AKAP9: variants seen among roughly 807,000 people sequenced by gnomAD.
AKAP9 encodes the protein A-kinase anchoring protein 9, also known as A-kinase anchor protein 9.
Under a neutral mutation model 488.5 loss-of-function variants are expected in AKAP9, and 311 were observed. That is an observed-to-expected ratio of 0.64 (90% confidence interval 0.58 to 0.70). The LOEUF (loss-of-function observed/expected upper bound fraction) is 0.70. Among genes scored for constraint, AKAP9 ranks in the 30% least tolerant of loss-of-function variants. The probability of loss-of-function intolerance (pLI) is 0.00; values close to 1 mark genes in which losing one functional copy is unlikely to be tolerated. For missense variants in AKAP9, 4,215 were observed against 4,374.5 expected (o/e 0.96, Z 1.03); for synonymous variants, 1,462 against 1,483.5 (o/e 0.99, Z 0.33).
rs79594693 is a variant in AKAP9, at chr7:91,962,134, A to G, written c.49-11577A>G. Among the ~76,000 whole-genome samples the G allele has an allele frequency of 1.6e-3, 241 of 152,324 alleles. 6 individuals are homozygous for G. In the East Asian group the frequency reaches 0.037, roughly 24 times the overall value. ...AATTTAAAGTGCATCATTTCAGTAT[A>G]AGATGATTACCTAATTGAGTAGAAT... is the stretch of plus-strand genomic sequence containing the variant. On this transcript the variant is annotated intron_variant, in intron 1 of 49. Transcript: ENST00000356239.
In AKAP9 at chr7:92,079,381, TAAAG is replaced by T. The variant is rs1444715769; in HGVS notation, c.7252_7255del (p.Glu2418ProfsTer5). ...AAATGACCTTCATGAAAAATGTACT[TAAAG>T]AAACCAATTTTAAAATGAATCAGCT... On this transcript the variant is annotated frameshift_variant, in exon 31 of 50. Coordinates refer to ENST00000356239, the MANE Select transcript of AKAP9 (RefSeq NM_005751.5). LOFTEE classifies it high-confidence loss of function. 5.6e-6 allele frequency: 9 copies of T among 1,613,856 alleles called. No individual in the cohort carries two copies. Among genetic ancestry groups the T allele is most frequent in the African/African-American group, 1.3e-5 (1 of 74,918 alleles).
rs183942717 is a variant in AKAP9, at chr7:91,941,119, A to G, written c.20A>G (p.Gln7Arg). The G allele has an allele frequency of 1.9e-6, 3 of 1,614,080 alleles. No individual in the cohort carries two copies. The highest frequency in any genetic ancestry group is 1.6e-4 in the Middle Eastern group (1 of 6,062). The change falls in exon 1 of 50, where the codon CAG becomes CGG. Residue 7 changes from glutamine (Q) to arginine (R), a missense_variant. Coordinates refer to ENST00000356239, the MANE Select transcript of AKAP9 (RefSeq NM_005751.5). ...GAGGCCATGGAGGACGAGGAGAGAC[A>G]GAAGAAGCTGGAGGCCGGCAAAGCC... MEDEER[Q>R]KKLEAGKAKL...
intron 1 of AKAP9, among the ~76,000 whole-genome samples, chr7:91,957,025 C>T (rs914064743): frequency 6.6e-6 from 1 of 152,002 alleles, no homozygotes; most frequent in African/African-American, 2.4e-5. Context: ...TTTAATTAAT[C>T]TGCATATTTA....
At chr7:92,072,363 A>G (rs1046871713) in intron 28 of AKAP9, among the ~76,000 whole-genome samples, 2 of 152,190 alleles carry the variant, frequency 1.3e-5, no homozygotes, top group African/African-American at 2.4e-5. Context: ...GCTGACCCTA[A>G]TAACAGTAAC....
intron 22 of AKAP9, chr7:92,058,471 G>A: frequency 2.4e-6 from 1 of 412,994 alleles, no homozygotes; most frequent in South Asian, 2.0e-5. Context: ...TAAATTTTGA[G>A]TGTCTATATT....
intron 21 of AKAP9, among the ~76,000 whole-genome samples, chr7:92,050,997 C>T (rs1284620282): frequency 6.6e-6 from 1 of 152,164 alleles, no homozygotes; most frequent in Non-Finnish European, 1.5e-5. Flanking sequence ...TCTCCTTTAA[C>T]TTACCTCTGC....
chr7:91,967,701 C>G (rs1262235996), intron 1 of AKAP9, among the ~76,000 whole-genome samples: 2 of 152,042 alleles, frequency 1.3e-5, no homozygotes, highest in African/African-American at 4.8e-5. Context: ...ATTCAGTTTG[C>G]TAGTATTTTG....
At chr7:91,949,320 T>C (rs1380894278) in intron 1 of AKAP9, among the ~76,000 whole-genome samples, 2 of 152,152 alleles carry the variant, frequency 1.3e-5, no homozygotes, top group Non-Finnish European at 2.9e-5. Flanking sequence ...TGTTGCTTCC[T>C]TTGAGTGATA....
At position 92,097,413 on chromosome 7, in the gene AKAP9, T is replaced by C. The variant is rs941317613; in HGVS notation, c.10398+56T>C. The C allele has an allele frequency of 1.9e-6, 3 of 1,583,174 alleles. No individual in the cohort carries two copies. In the Admixed American group the frequency reaches 5.3e-5, roughly 28 times the overall value. On this transcript the variant is annotated intron_variant, in intron 41 of 49. Coordinates refer to ENST00000356239, the MANE Select transcript of AKAP9 (RefSeq NM_005751.5). ...TAAGGAAAGCACTGCAGCCCTTTGA[T>C]CATTAAATTTTGATATTGGATTAAA... is the stretch of plus-strand genomic sequence containing the variant.
At chr7:92,057,435 C>T (rs976963010) in intron 22 of AKAP9, among the ~76,000 whole-genome samples, 10 of 152,176 alleles carry the variant, frequency 6.6e-5, no homozygotes, top group Admixed American at 5.2e-4. Flanking sequence ...AAAGCCCTGA[C>T]GTGGAACTTG....
chr7:92,030,781 A>C (rs1804104090), intron 15 of AKAP9, among the ~76,000 whole-genome samples: 1 of 149,688 alleles, frequency 6.7e-6, no homozygotes, highest in Admixed American at 6.7e-5. Flanking sequence ...CCATCTAACT[A>C]AACCACCCCC....
chr7:92,093,387 A>C (rs1015494237), intron 39 of AKAP9, 71 bp downstream of exon 39: 3 of 1,302,044 alleles, frequency 2.3e-6, no homozygotes, highest in Admixed American at 3.6e-5. Context: ...CACTGTGCAA[A>C]TATAGAGAAA....
At chr7:92,077,626 C>A (rs565349054) in intron 29 of AKAP9, 70 bp from the exon 30 acceptor site, 1 of 1,345,148 alleles carries the variant, frequency 7.4e-7, no homozygotes, top group East Asian at 2.3e-5. Context: ...GCTCTGATTT[C>A]TTTTGTAATT....
In AKAP9 at chr7:92,102,621, G is replaced by T; in HGVS notation, c.11125G>T (p.Glu3709Ter). 1.1e-5 allele frequency: 17 copies of T among 1,614,196 alleles called. No individual in the cohort carries two copies. Among genetic ancestry groups the T allele is most frequent in the Non-Finnish European group, 1.4e-5 (17 of 1,180,044 alleles). The change falls in exon 46 of 50, where the codon GAA becomes TAA. Residue 3709 changes from glutamate to a stop codon, truncating the protein, a stop_gained. Coordinates refer to ENST00000356239, the MANE Select transcript of AKAP9 (RefSeq NM_005751.5). LOFTEE classifies it high-confidence loss of function. The part of the protein sequence containing the change: ...KRIYGKYLRA[E>*]SFRKALIYQK... ...AATTTATGGTAAATACTTGAGGGCAGAAAGTTTTCGAAAGGCTCTCATTTA... is the reference window on the plus strand; with the variant it reads ...AATTTATGGTAAATACTTGAGGGCATAAAGTTTTCGAAAGGCTCTCATTTA...
intron 1 of AKAP9, among the ~76,000 whole-genome samples, chr7:91,960,032 A>G (rs895772209): frequency 6.6e-6 from 1 of 152,132 alleles, no homozygotes; most frequent in African/African-American, 2.4e-5. Context: ...AGTTGTTTGT[A>G]TTAGCATTCA....
Position 92,096,972 on chromosome 7 carries a change from C to T in AKAP9, c.10013C>T (p.Pro3338Leu). Residue 3338 changes from proline to leucine, a missense_variant, in exon 41 of 50, where the codon CCC becomes CTC. By Grantham distance (98) the Pro-to-Leu change is moderately conservative. Coordinates refer to ENST00000356239, the MANE Select transcript of AKAP9 (RefSeq NM_005751.5). Reference sequence around the variant, plus strand: ...GATGGTACTGGACAGTCTCGGCCACCCTTGCCCTCAGAGGACCTACTGAAA... The same window carrying T: ...GATGGTACTGGACAGTCTCGGCCACTCTTGCCCTCAGAGGACCTACTGAAA... ...SSDGTGQSRP[P>L]LPSEDLLKEL... is the part of the protein sequence containing the mutation. 6 of 1,614,122 alleles carry T rather than the reference C, an allele frequency of 3.7e-6. No homozygotes were observed. The highest frequency in any genetic ancestry group is 4.2e-6 in the Non-Finnish European group (5 of 1,179,972).
Position 92,083,366 on chromosome 7 carries a change from T to C in AKAP9, c.8357T>C (p.Leu2786Pro). Residue 2786 changes from leucine to proline, a missense_variant, in exon 33 of 50, where the codon CTG becomes CCG. Coordinates refer to ENST00000356239, the MANE Select transcript of AKAP9 (RefSeq NM_005751.5). ...KSIASQTDGT[L>P]KISSSNQTPQ... ...ATTGCATCCCAGACAGATGGGACTC[T>C]GAAGATCAGTAGCAGCAATCAGACT... The C allele has an allele frequency of 6.2e-7, 1 of 1,614,026 alleles. No homozygotes were observed. Among genetic ancestry groups the C allele is most frequent in the Non-Finnish European group, 8.5e-7 (1 of 1,179,992 alleles).
intron 22 of AKAP9, among the ~76,000 whole-genome samples, chr7:92,054,351 AT>A (rs980455554): frequency 3.0e-4 from 45 of 148,234 alleles, no homozygotes; most frequent in Non-Finnish European, 4.6e-4. Flanking sequence ...TTTAACCTTC[AT>A]TTTTTTTTTC....
intron 22 of AKAP9, 21 bp from the exon 23 acceptor site, chr7:92,061,239 A>G: frequency 1.2e-6 from 2 of 1,609,996 alleles, no homozygotes; most frequent in Admixed American, 1.7e-5. Context: ...TCTTTTATGT[A>G]TTGTTTCCCT....
Sources: gnomAD v4.1 joint callset for allele counts (sites outside exome capture counted in the v4.1 genomes callset) on GRCh38, gnomAD v4.1.1 for gene constraint, MANE v1.5 for transcripts, NCBI Gene and HGNC (gene_info 2026-07-23, HGNC 2026-07-21) for gene names.